EFL1: variants seen among roughly 807,000 people sequenced by gnomAD.
EFL1 encodes elongation factor-like GTPase 1.
Under a neutral mutation model 126.7 loss-of-function variants are expected in EFL1, and 76 were observed. The ratio of observed to expected loss-of-function variants is 0.60; its 90% CI spans 0.50 to 0.73. The LOEUF (loss-of-function observed/expected upper bound fraction) is 0.73, where lower values mean the gene tolerates loss of function less well. Ranked by LOEUF, EFL1 falls within the 30% of genes least tolerant of loss-of-function variation. The pLI, the probability that EFL1 is intolerant of heterozygous loss-of-function variation, is 0.00. For missense variants in EFL1, 1,128 were observed against 1,343.2 expected, an observed-to-expected ratio of 0.84 and a Z score of 2.50; for synonymous variants, 410 against 448.4, an observed-to-expected ratio of 0.91 and a Z score of 1.08.
intron 15 of EFL1, among the ~76,000 whole-genome samples, chr15:82,201,820 C>A (rs544492172): frequency 6.7e-6 from 1 of 148,742 alleles, no homozygotes; most frequent in Non-Finnish European, 1.5e-5. Flanking sequence ...ATGGTTACTA[C>A]TGTTTCCTTC....
At position 82,219,417 on chromosome 15, in the gene EFL1, AT is replaced by A. The variant is rs535680831; in HGVS notation, c.1611+234del. Among the ~76,000 whole-genome samples, 11 of 152,364 alleles carry A rather than the reference AT, an allele frequency of 7.2e-5. No individual in the cohort carries two copies. In the East Asian group the frequency reaches 2.1e-3, roughly 29 times the overall value. ...CTCTTGCCTAGAAGAGAAAAGCCTTATAATTAAACAAGGCCTGAAAATTTGG... is the reference window on the plus strand; with the variant it reads ...CTCTTGCCTAGAAGAGAAAAGCCTTAAATTAAACAAGGCCTGAAAATTTGG... On this transcript the variant is annotated intron_variant, in intron 14 of 19. Coordinates refer to ENST00000268206, the MANE Select transcript of EFL1 (RefSeq NM_024580.6).
At position 82,252,829 on chromosome 15, in the gene EFL1, T is replaced by C. The variant is rs1343156052; in HGVS notation, c.160-54A>G. On this transcript the variant is annotated intron_variant, in intron 3 of 19. Coordinates refer to ENST00000268206, the MANE Select transcript of EFL1 (RefSeq NM_024580.6). Reference sequence around the variant, plus strand: ...CTTCCCAAAGAATTAAAATGTAACATTAAAATTTGCTAATTTAGATTTTTG... The same window carrying C: ...CTTCCCAAAGAATTAAAATGTAACACTAAAATTTGCTAATTTAGATTTTTG... 6.7e-6 allele frequency: 7 copies of C among 1,043,566 alleles called. No homozygotes were observed. The Admixed American group carries it at 1.0e-4, about 15-fold the overall frequency. 64.6% of individuals were successfully genotyped at this position (1,043,566 alleles called of 1,614,324 possible).
In EFL1 at chr15:82,171,436, G is replaced by A. The variant is rs187810310; in HGVS notation, c.1751-7452C>T. ...ACACGTGTGGGAATGTGGAAATGAC[G>A]AAGGGGCAACAGTGGCAGACAGGCA... On this transcript the variant is annotated intron_variant, in intron 15 of 19. Transcript: ENST00000268206. Among the ~76,000 whole-genome samples the A allele has an allele frequency of 1.7e-3, 259 of 152,294 alleles. 3 individuals carry two copies. The highest frequency in any genetic ancestry group is 6.2e-4 in the South Asian group (3 of 4,830).
At chr15:82,185,675 A>T (rs775364755) in intron 15 of EFL1, among the ~76,000 whole-genome samples, 2 of 152,204 alleles carry the variant, frequency 1.3e-5, no homozygotes, top group Non-Finnish European at 2.9e-5. Flanking sequence ...AATTAAAAAA[A>T]ATACAAGTGG....
intron 18 of EFL1, among the ~76,000 whole-genome samples, chr15:82,147,123 T>G (rs181795301): frequency 1.3e-5 from 2 of 152,280 alleles, no homozygotes; most frequent in East Asian, 3.9e-4. Context: ...TTCAGTCTGA[T>G]AAACACCAAC....
At chr15:82,189,093 A>G (rs1181693431) in intron 15 of EFL1, among the ~76,000 whole-genome samples, 1 of 152,158 alleles carries the variant, frequency 6.6e-6, no homozygotes, top group African/African-American at 2.4e-5. Flanking sequence ...ACCTAGGCCA[A>G]TATGGTGTGT....
intron 15 of EFL1, among the ~76,000 whole-genome samples, chr15:82,202,814 AT>A (rs113767734): frequency 1.0e-3 from 150 of 145,538 alleles, no homozygotes; most frequent in Admixed American, 1.2e-3. Context: ...GTGTTCCCTA[AT>A]TTTTTTTTTT....
chr15:82,145,123 G>A (rs1034896184), intron 18 of EFL1, among the ~76,000 whole-genome samples: 1 of 151,818 alleles, frequency 6.6e-6, no homozygotes, highest in East Asian at 2.0e-4. Flanking sequence ...GACCAACATG[G>A]AGAAACCCCA....
intron 15 of EFL1, among the ~76,000 whole-genome samples, chr15:82,178,373 T>C (rs1326729454): frequency 1.3e-5 from 2 of 152,206 alleles, no homozygotes; most frequent in East Asian, 1.9e-4. Flanking sequence ...AAATTCCTCA[T>C]GGGCCCACGA....
chr15:82,137,543 TA>T (rs1191057939), intron 19 of EFL1, among the ~76,000 whole-genome samples: 1 of 152,176 alleles, frequency 6.6e-6, no homozygotes, highest in Non-Finnish European at 1.5e-5. Context: ...ATATTTGACC[TA>T]GGGGTGAAGA....
At position 82,227,528 on chromosome 15, in the gene EFL1, C is replaced by T; in HGVS notation, c.1114G>A (p.Glu372Lys). 1 of 1,614,162 alleles carries T rather than the reference C, an allele frequency of 6.2e-7. No individual in the cohort carries two copies. Among genetic ancestry groups the T allele is most frequent in the Admixed American group, 1.7e-5 (1 of 60,022 alleles). The change falls in exon 11 of 20, where the codon GAG (glutamate) becomes AAG (lysine). Residue 372 changes from glutamate (E) to lysine (K), a missense_variant. By Grantham distance (56) the Glu-to-Lys change is moderately conservative. Coordinates refer to ENST00000268206, the MANE Select transcript of EFL1 (RefSeq NM_024580.6). ...GTGCACATCAGTCTCTCCACTCTCT[C>T]AGCTGTAATATCAAGGGGACTAGGA... ...KLPSPLDITA[E>K]RVERLMCTGS... is the part of the protein sequence containing the mutation.
chr15:82,157,798 T>C lies in EFL1; in HGVS notation c.1945A>G (p.Ile649Val). 1 of 1,614,138 alleles carries C rather than the reference T, an allele frequency of 6.2e-7. No individual in the cohort carries two copies. The highest frequency in any genetic ancestry group is 8.5e-7 in the Non-Finnish European group (1 of 1,179,992). ...TGCTCTCCCGTTTCCTGAATTAAAA[T>C]CTGGACACAGGGATCAGCCTGGTTT... ...LLNQADPCVQ[I>V]LIQETGEHVL... Residue 649 changes from isoleucine to valine, a missense_variant, in exon 17 of 20, where the codon ATT becomes GTT. Ile to Val is a conservative substitution (Grantham distance 29, BLOSUM62 3). This residue lies in a region of EFL1 where 561 missense variants were observed against 641.7 expected (regional missense o/e 0.87). Transcript: ENST00000268206.
chr15:82,226,742 T>C (rs970793864), intron 11 of EFL1, among the ~76,000 whole-genome samples: 6 of 152,154 alleles, frequency 3.9e-5, no homozygotes, highest in Non-Finnish European at 7.4e-5. Context: ...AGTCTTGAGA[T>C]TGGGTACAAT....
intron 7 of EFL1, among the ~76,000 whole-genome samples, 179 bp from the exon 8 acceptor site, chr15:82,231,150 G>A (rs1180401259): frequency 7.2e-5 from 11 of 152,276 alleles, no homozygotes; most frequent in Middle Eastern, 6.8e-3. Context: ...CAAGTGAGGT[G>A]GGGATTTAAA....
intron 17 of EFL1, among the ~76,000 whole-genome samples, chr15:82,154,954 G>A (rs2073952057): frequency 2.6e-5 from 4 of 152,020 alleles, no homozygotes; most frequent in African/African-American, 7.2e-5. Flanking sequence ...TAGAGATGAG[G>A]TCTTGCTATG....
chr15:82,233,130 CAT>C (rs766678884), intron 7 of EFL1, among the ~76,000 whole-genome samples: 6 of 152,314 alleles, frequency 3.9e-5, no homozygotes, highest in African/African-American at 9.6e-5. Flanking sequence ...AATATTCACA[CAT>C]GTGTACACAT....
At chr15:82,153,634 T>A (rs1211531012) in intron 17 of EFL1, among the ~76,000 whole-genome samples, 1 of 152,176 alleles carries the variant, frequency 6.6e-6, no homozygotes, top group Non-Finnish European at 1.5e-5. Context: ...TAGGTCTGAC[T>A]TCAGAATTCA....
intron 11 of EFL1, 31 bp from the exon 12 acceptor site, chr15:82,225,295 T>C (rs749192476): frequency 2.2e-4 from 314 of 1,440,780 alleles, no homozygotes; most frequent in Non-Finnish European, 2.9e-4. Context: ...AATGTCACTA[T>C]TTTTCCCATT....
In EFL1 at chr15:82,193,981, T is replaced by C. The variant is rs1005749196; in HGVS notation, c.1750+20736A>G. On this transcript the variant is annotated intron_variant, in intron 15 of 19. Transcript: ENST00000268206. ...AGTGGCTGAACCAGGCTACTCTCTG[T>C]CTGTCTTTGCTTGGCACTGGAAAAT... 1.1e-4 allele frequency among the ~76,000 whole-genome samples: 16 copies of C among 152,222 alleles called. No homozygotes were observed. The South Asian group carries it at 1.2e-3, about 12-fold the overall frequency.
Sources: gnomAD v4.1 joint callset for allele counts (sites outside exome capture counted in the v4.1 genomes callset) on GRCh38, gnomAD v4.1.1 for gene constraint, gnomAD v4.1.1 regional missense constraint, MANE v1.5 for transcripts, NCBI Gene and HGNC (gene_info 2026-07-23, HGNC 2026-07-21) for gene names.